The following LCT variants were observed in gnomAD, a reference collection of about 807,000 sequenced individuals.
LCT encodes lactase/phlorizin hydrolase.
In LCT, 90 loss-of-function variants were observed where a neutral mutation model predicts 173.0. That is an observed-to-expected ratio of 0.52 (90% CI 0.44 to 0.62). The LOEUF (loss-of-function observed/expected upper bound fraction) is 0.62. LCT is among the 20% of genes least tolerant of loss of function. The pLI is 0.00. For missense variants in LCT, 1,864 were observed against 2,431.4 expected, an observed-to-expected ratio of 0.77 and a Z score of 4.91; for synonymous variants, 853 against 957.6, an observed-to-expected ratio of 0.89 and a Z score of 2.02.
At position 135,790,954 on chromosome 2, in the gene LCT, C is replaced by T; in HGVS notation, c.5112-73G>A. The T allele has an allele frequency of 9.0e-7, 1 of 1,116,036 alleles. No homozygotes were observed. Among genetic ancestry groups the T allele is most frequent in the South Asian group, 1.3e-5 (1 of 79,384 alleles). 69.1% of individuals were successfully genotyped at this position (1,116,036 alleles called of 1,614,324 possible). A position where few individuals can be genotyped will look rare whatever the true frequency, so the allele number is the denominator to read the frequency against. ...GAGGCCCTTTACACGAAACACAAAA[C>T]AGGACTTAGACCAGGAAAAGCCTTA... is the stretch of plus-strand genomic sequence containing the variant. On this transcript the variant is annotated intron_variant, in intron 14 of 16. Transcript: ENST00000264162. This position sits in a 1 kb window ranked among gnomAD's most constrained non-coding sequence, Gnocchi z 4.1.
At chr2:135,795,000 C>T (rs1015717803) in intron 13 of LCT, among the ~76,000 whole-genome samples, 2 of 151,602 alleles carry the variant, frequency 1.3e-5, no homozygotes, top group Admixed American at 1.3e-4. Context: ...ACAAGAGCCT[C>T]TGAAACCTGA....
At position 135,809,435 on chromosome 2, in the gene LCT, A is replaced by G; in HGVS notation, c.2912T>C (p.Val971Ala). ...GGAGATAGAGAAGCGGTAGGCCTTC[A>G]CCTTCAAAGCTCGGAGCATATTCAG... is the stretch of plus-strand genomic sequence containing the variant. ...ADLNMLRALK[V>A]KAYRFSISWS... The change falls in exon 8 of 17, where the codon GTG becomes GCG. Residue 971 changes from valine to alanine, a missense_variant. Transcript: ENST00000264162. The surrounding 1 kb of genome is among the most constrained non-coding windows in gnomAD (Gnocchi z 5.5). The G allele has an allele frequency of 6.2e-7, 1 of 1,614,224 alleles. No homozygotes were observed. The highest frequency in any genetic ancestry group is 8.5e-7 in the Non-Finnish European group (1 of 1,180,042).
At chr2:135,800,227 T>A (rs1220648920) in intron 12 of LCT, among the ~76,000 whole-genome samples, 2 of 152,108 alleles carry the variant, frequency 1.3e-5, no homozygotes, top group Admixed American at 6.6e-5. Context: ...TAGGCTTAGA[T>A]CCTAATAATT....
chr2:135,818,774 T>C (rs923286309), intron 5 of LCT, among the ~76,000 whole-genome samples: 7 of 152,142 alleles, frequency 4.6e-5, no homozygotes, highest in Admixed American at 2.0e-4. Flanking sequence ...GAGGCAGAGG[T>C]TGTGGTGAGC....
At position 135,817,999 on chromosome 2, in the gene LCT, G is replaced by A. The variant is rs1289240760; in HGVS notation, c.1049C>T (p.Thr350Ile). 1.2e-6 allele frequency: 2 copies of A among 1,613,330 alleles called. No homozygotes were observed. Among genetic ancestry groups the A allele is most frequent in the Admixed American group, 1.7e-5 (1 of 60,010 alleles). ...GGCAGAGGCAGGAGAGGAGTCCGTGGTCTCGTGGTCCTGCTGCTGGTCAGG... is the reference window on the plus strand; with the variant it reads ...GGCAGAGGCAGGAGAGGAGTCCGTGATCTCGTGGTCCTGCTGCTGGTCAGG... ...LQPDQQQDHE[T>I]TDSSPASAYQ... is the part of the protein sequence containing the mutation. Residue 350 changes from threonine to isoleucine, a missense_variant, in exon 6 of 17, where the codon ACC becomes ATC. Thr to Ile is a moderately conservative substitution (Grantham distance 89). Coordinates refer to ENST00000264162, the MANE Select transcript of LCT (RefSeq NM_002299.4).
chr2:135,829,788 A>C, intron 2 of LCT, 112 bp from the exon 3 acceptor site: 1 of 724,548 alleles, frequency 1.4e-6, no homozygotes, highest in Non-Finnish European at 2.5e-6. Context: ...AAATATTCCA[A>C]AGCAGGATTT....
At chr2:135,795,068 C>G (rs2077571929) in intron 13 of LCT, among the ~76,000 whole-genome samples, 1 of 152,218 alleles carries the variant, frequency 6.6e-6, no homozygotes, top group African/African-American at 2.4e-5. Context: ...CACACACACA[C>G]ATGCATAAAC....
At chr2:135,827,820 G>A (rs758398996) in intron 3 of LCT, among the ~76,000 whole-genome samples, 10 of 152,114 alleles carry the variant, frequency 6.6e-5, no homozygotes, top group Admixed American at 1.3e-4. Context: ...CTGGTGCTCC[G>A]CCTGGGGGCT....
intron 12 of LCT, among the ~76,000 whole-genome samples, chr2:135,799,070 A>G (rs763948645): frequency 1.3e-5 from 2 of 152,224 alleles, no homozygotes; most frequent in Non-Finnish European, 2.9e-5. Context: ...CTAAATCACC[A>G]GTTCTGTGAG....
intron 10 of LCT, 102 bp downstream of exon 10, chr2:135,804,665 A>T: frequency 8.6e-7 from 1 of 1,166,472 alleles, no homozygotes; most frequent in East Asian, 2.4e-5. Flanking sequence ...AACAAAAGCT[A>T]AATTTGAAAC....
intron 11 of LCT, among the ~76,000 whole-genome samples, chr2:135,802,569 C>T (rs962258663): frequency 1.3e-5 from 2 of 152,168 alleles, no homozygotes; most frequent in Non-Finnish European, 2.9e-5. Flanking sequence ...GACAACATCG[C>T]TGGAACTGGA....
intron 3 of LCT, among the ~76,000 whole-genome samples, chr2:135,824,269 CACGGTGT>C (rs2077864232): frequency 6.6e-6 from 1 of 152,226 alleles, no homozygotes; most frequent in Non-Finnish European, 1.5e-5. Flanking sequence ...TAGAGCCAGG[CACGGTGT>C]TAGGATCAGG....
chr2:135,809,380 G>A lies in LCT; in HGVS notation c.2967C>T (p.Asn989=). ...SWSRIFPTGR[N]SSINSHGVDY... ...CAACCCCATGACTGTTGATAGAGCT[G>A]TTTCTCCCAGTTGGGAAAATCCGAG... The change falls in exon 8 of 17, where the codon AAC becomes AAT. Residue 989 remains asparagine, a synonymous_variant. Coordinates refer to ENST00000264162, the MANE Select transcript of LCT (RefSeq NM_002299.4). This position sits in a 1 kb window ranked among gnomAD's most constrained non-coding sequence, Gnocchi z 5.5. 6.2e-7 allele frequency: 1 copy of A among 1,614,200 alleles called. No individual in the cohort carries two copies. Among genetic ancestry groups the A allele is most frequent in the East Asian group, 2.2e-5 (1 of 44,880 alleles).
intron 11 of LCT, among the ~76,000 whole-genome samples, chr2:135,803,700 C>G (rs897698201): frequency 1.3e-5 from 2 of 152,118 alleles, no homozygotes; most frequent in Non-Finnish European, 2.9e-5. Context: ...CACCTGAGGC[C>G]GATCAGAGTC....
chr2:135,819,639 C>G (rs2077811378), intron 5 of LCT, among the ~76,000 whole-genome samples: 1 of 152,218 alleles, frequency 6.6e-6, no homozygotes, highest in Non-Finnish European at 1.5e-5. Context: ...TTCTGTTTCA[C>G]TCAGCATCAA....
chr2:135,832,618 G>A (rs963546003), intron 2 of LCT, among the ~76,000 whole-genome samples: 1 of 151,494 alleles, frequency 6.6e-6, no homozygotes, highest in Non-Finnish European at 1.5e-5. Context: ...CCGAGCAGCT[G>A]GAACTACAGG....
intron 2 of LCT, among the ~76,000 whole-genome samples, chr2:135,831,890 C>CAA (rs1476405779): frequency 6.6e-6 from 1 of 152,158 alleles, no homozygotes; most frequent in African/African-American, 2.4e-5. Flanking sequence ...CAAAGCTGTT[C>CAA]ACTTCCCAGA....
At position 135,807,001 on chromosome 2, in the gene LCT, C is replaced by A. The variant is rs566184086; in HGVS notation, c.4173+127G>T. On this transcript the variant is annotated intron_variant, in intron 9 of 16. Transcript: ENST00000264162. ...GTCTGGAAGAGGACCTCCCAGACCC[C>A]ATGCTGCCCCTCCATGGGTCTGCTG... The A allele has an allele frequency of 6.4e-6, 7 of 1,086,564 alleles. No homozygotes were observed. In the African/African-American group the frequency reaches 9.3e-5, roughly 14 times the overall value. 67.3% of individuals were successfully genotyped at this position (1,086,564 alleles called of 1,614,324 possible).
chr2:135,834,204 G>C (rs1344709388), intron 1 of LCT, among the ~76,000 whole-genome samples: 1 of 151,646 alleles, frequency 6.6e-6, no homozygotes, highest in African/African-American at 2.4e-5. Flanking sequence ...ATTTATTTTT[G>C]AGACAGAGTC....
Sources: gnomAD v4.1 joint callset for allele counts (sites outside exome capture counted in the v4.1 genomes callset) on GRCh38, gnomAD v4.1.1 for gene constraint, Gnocchi (gnomAD v3.1) non-coding constraint, MANE v1.5 for transcripts, NCBI Gene and HGNC (gene_info 2026-07-23, HGNC 2026-07-21) for gene names.